Variants in RASGEF1B observed in about 807,000 individuals in gnomAD.
RASGEF1B encodes the protein RasGEF domain family member 1B, also known as ras-GEF domain-containing family member 1B.
RASGEF1B carries 30 observed loss-of-function variants against 65.7 expected under a neutral mutation model. That is an observed-to-expected ratio of 0.46 (90% confidence interval 0.34 to 0.62). The LOEUF (loss-of-function observed/expected upper bound fraction) is 0.62, where lower values mean the gene tolerates loss of function less well. Ranked by LOEUF, RASGEF1B falls within the 20% of genes least tolerant of loss-of-function variation. RASGEF1B has a pLI of 0.01. For missense variants in RASGEF1B, 495 were observed against 580.1 expected (o/e 0.85, Z 1.51); for synonymous variants, 175 against 194.8 (o/e 0.90, Z 0.85).
chr4:81,459,545 T>C (rs1722570698), intron 1 of RASGEF1B, 31 bp from the exon 2 acceptor site: 2 of 1,497,460 alleles, frequency 1.3e-6, no homozygotes, highest in South Asian at 1.3e-5. Context: ...GAAAAAATAA[T>C]GTCAGCAATA....
At chr4:81,428,857 T>TA (rs553607893) in intron 13 of RASGEF1B, among the ~76,000 whole-genome samples, 105 of 152,344 alleles carry the variant, frequency 6.9e-4, no homozygotes, top group Non-Finnish European at 1.3e-3. Flanking sequence ...CCCCCATAAA[T>TA]ACCAAGGGAT....
rs1195787429 is a variant in RASGEF1B, at chr4:81,448,160, A to G, written c.563T>C (p.Leu188Pro). 3.7e-6 allele frequency: 6 copies of G among 1,614,138 alleles called. No individual in the cohort carries two copies. Among genetic ancestry groups the G allele is most frequent in the Non-Finnish European group, 5.1e-6 (6 of 1,180,030 alleles). Residue 188 changes from leucine (L) to proline (P), a missense_variant, in exon 5 of 14, where the codon CTC becomes CCC. Coordinates refer to ENST00000264400, the MANE Select transcript of RASGEF1B (RefSeq NM_152545.3). ...SSTSTDRLTV[L>P]KTKPQSIQRD... ...TTGTATAGACTGTGGCTTGGTCTTG[A>G]GAACTGTGAGCCGATCTGTGGATGT...
intron 4 of RASGEF1B, chr4:81,451,210 T>G (rs1364093894): frequency 2.0e-5 from 3 of 152,238 alleles, no homozygotes; most frequent in African/African-American, 7.2e-5. Flanking sequence ...GAGTTTGATA[T>G]GAAGAAGGGA....
At chr4:81,461,290 G>A (rs1005807651) in intron 1 of RASGEF1B, among the ~76,000 whole-genome samples, 10 of 152,192 alleles carry the variant, frequency 6.6e-5, no homozygotes, top group African/African-American at 2.4e-4. Flanking sequence ...GAGATGAGAG[G>A]CACCTAAAAG....
At chr4:81,439,926 C>A (rs1421420303) in intron 10 of RASGEF1B, among the ~76,000 whole-genome samples, 4 of 152,136 alleles carry the variant, frequency 2.6e-5, no homozygotes, top group Non-Finnish European at 5.9e-5. Context: ...TGATTGAGAA[C>A]CAAGTTCGCA....
intron 2 of RASGEF1B, 95 bp downstream of exon 2, chr4:81,459,237 T>A (rs938279827): frequency 2.2e-6 from 2 of 925,172 alleles, no homozygotes; most frequent in Non-Finnish European, 3.1e-6. Context: ...CTTAGCAACC[T>A]AGATATAATT....
chr4:81,442,864 T>C (rs1377895417), intron 8 of RASGEF1B, among the ~76,000 whole-genome samples: 1 of 152,256 alleles, frequency 6.6e-6, no homozygotes, highest in Non-Finnish European at 1.5e-5. Flanking sequence ...CATTCTTAGC[T>C]CACTGGTCAT....
At position 81,447,574 on chromosome 4, in the gene RASGEF1B, C is replaced by T. The variant is rs765262917; in HGVS notation, c.659G>A (p.Arg220Lys). The T allele has an allele frequency of 2.2e-5, 36 of 1,613,538 alleles. No individual in the cohort carries two copies. The highest frequency in any genetic ancestry group is 3.0e-5 in the Non-Finnish European group (35 of 1,179,710). Residue 220 changes from arginine (R) to lysine (K), a missense_variant, in exon 6 of 14, where the codon AGG (arginine) becomes AAG (lysine). Coordinates refer to ENST00000264400, the MANE Select transcript of RASGEF1B (RefSeq NM_152545.3). ...TTCTTCTGGCCCAATATAATTGAGC[C>T]TCTCCTGAAACACAAACCCAGAAGG... ...AQQLTHIELE[R>K]LNYIGPEEFV...
intron 4 of RASGEF1B, chr4:81,453,444 T>C (rs1320885630): frequency 6.6e-6 from 1 of 152,220 alleles, no homozygotes; most frequent in Admixed American, 6.5e-5. Context: ...GTAAATGCTA[T>C]GTAAATCACT....
chr4:81,445,977 G>A (rs533936124), intron 6 of RASGEF1B, 139 bp from the exon 7 acceptor site: 2 of 640,196 alleles, frequency 3.1e-6, no homozygotes, highest in East Asian at 5.5e-5. Context: ...GAGAGAGAAA[G>A]ACAACCACTG....
intron 10 of RASGEF1B, among the ~76,000 whole-genome samples, chr4:81,436,133 T>C (rs1395328277): frequency 6.6e-6 from 1 of 152,202 alleles, no homozygotes; most frequent in Non-Finnish European, 1.5e-5. Flanking sequence ...GAAGCTGTAC[T>C]GCTTATTATT....
At chr4:81,452,912 T>C (rs1196123046) in intron 4 of RASGEF1B, 1 of 151,888 alleles carries the variant, frequency 6.6e-6, no homozygotes, top group East Asian at 1.9e-4. Flanking sequence ...AAACATATTA[T>C]GCCAAATTAT....
At chr4:81,451,648 T>C in intron 4 of RASGEF1B, 1 of 152,228 alleles carries the variant, frequency 6.6e-6, no homozygotes, top group East Asian at 1.9e-4. Flanking sequence ...TATATTCCTA[T>C]ATTACTTGAT....
At position 81,457,725 on chromosome 4, in the gene RASGEF1B, A is replaced by T. The variant is rs1722499481; in HGVS notation, c.178-104T>A. On this transcript the variant is annotated intron_variant, in intron 2 of 13. Transcript: ENST00000264400. ...ATTAAGTTCTCCTGATCAAGTTCAT[A>T]TGCTGCAGTTTCAAAAGTAATGCCT... is the stretch of plus-strand genomic sequence containing the variant. The T allele has an allele frequency of 2.3e-6, 3 of 1,318,636 alleles. No homozygotes were observed. In the South Asian group the frequency reaches 4.2e-5, roughly 18 times the overall value. The allele number at this position is 1,318,636 out of a possible 1,614,324, so 81.7% of individuals were successfully genotyped here.
At chr4:81,446,856 C>A (rs562751319) in intron 6 of RASGEF1B, among the ~76,000 whole-genome samples, 1 of 152,168 alleles carries the variant, frequency 6.6e-6, no homozygotes, top group African/African-American at 2.4e-5. Flanking sequence ...ATTCTAAGGC[C>A]GGAAAGCAGC....
At chr4:81,435,698 A>C (rs917836051) in intron 10 of RASGEF1B, among the ~76,000 whole-genome samples, 1 of 145,156 alleles carries the variant, frequency 6.9e-6, no homozygotes, top group Non-Finnish European at 1.5e-5. Flanking sequence ...GATGGTCTCG[A>C]TCTCCTGACC....
At position 81,448,060 on chromosome 4, in the gene RASGEF1B, C is replaced by T. The variant is rs1231110959; in HGVS notation, c.654+9G>A. The T allele has an allele frequency of 2.0e-5, 32 of 1,610,890 alleles. No homozygotes were observed. Among genetic ancestry groups the T allele is most frequent in the Admixed American group, 6.7e-5 (4 of 59,992 alleles). ...TGGTTGTAAAGGGCAATGATGATAA[C>T]GGCCTTACCAGCTCTATATGAGTCA... is the stretch of plus-strand genomic sequence containing the variant. On this transcript the variant is annotated intron_variant, in intron 5 of 13. Transcript: ENST00000264400.
intron 4 of RASGEF1B, chr4:81,456,175 G>A (rs2868215): frequency 0.18 from 61,143 of 330,570 alleles, 8,697 homozygotes; most frequent in African/African-American, 0.49. Context: ...TTCTCAACAG[G>A]AGCGTATTTA....
chr4:81,441,061 T>C (rs1297875830), intron 9 of RASGEF1B, 132 bp from the exon 10 acceptor site: 3 of 596,702 alleles, frequency 5.0e-6, no homozygotes, highest in Non-Finnish European at 8.8e-6. Context: ...ATATGATTTA[T>C]CCTTCTCATA....
Sources: gnomAD v4.1 joint callset for allele counts (sites outside exome capture counted in the v4.1 genomes callset) on GRCh38, gnomAD v4.1.1 for gene constraint, MANE v1.5 for transcripts, NCBI Gene and HGNC (gene_info 2026-07-23, HGNC 2026-07-21) for gene names.